The following TMEM116 variants were observed in gnomAD, a reference collection of about 807,000 sequenced individuals.
TMEM116 encodes transmembrane protein 116.
TMEM116 carries 38 observed loss-of-function variants against 44.3 expected under a neutral mutation model. That is an observed-to-expected ratio of 0.86 (90% CI 0.66 to 1.12). The LOEUF is 1.12. TMEM116 is among the 50% of genes most tolerant of loss of function. TMEM116 has a pLI of 0.00. For missense variants in TMEM116, 354 were observed against 401.7 expected, an observed-to-expected ratio of 0.88 and a Z score of 1.01; for synonymous variants, 132 against 144.8, an observed-to-expected ratio of 0.91 and a Z score of 0.64.
intron 1 of TMEM116, among the ~76,000 whole-genome samples, chr12:112,007,102 CA>C (rs1284178609): frequency 1.3e-5 from 2 of 152,062 alleles, no homozygotes; most frequent in Non-Finnish European, 2.9e-5. Flanking sequence ...GGCAGCATAG[CA>C]AAACACCATT....
At chr12:111,932,406 A>T (rs949984967) in intron 10 of TMEM116, among the ~76,000 whole-genome samples, 180 bp downstream of exon 10, 1 of 152,258 alleles carries the variant, frequency 6.6e-6, no homozygotes, top group Admixed American at 6.5e-5. Context: ...TTACAACATT[A>T]TCTACCTCGA....
At chr12:111,996,039 C>CA (rs60431093) in intron 3 of TMEM116, among the ~76,000 whole-genome samples, 2,226 of 53,028 alleles carry the variant, frequency 0.042, 81 homozygotes, top group African/African-American at 0.1. Context: ...GACCCTGTCT[C>CA]AAAAAAAAAA....
intron 4 of TMEM116, among the ~76,000 whole-genome samples, chr12:111,955,417 C>T (rs894003106): frequency 6.6e-6 from 1 of 152,158 alleles, no homozygotes; most frequent in African/African-American, 2.4e-5. Context: ...GTTCCTGATC[C>T]AAAAATTCTA....
At position 111,931,798 on chromosome 12, in the gene TMEM116, GAGT is replaced by G. The variant is rs771895695; in HGVS notation, c.834_836del (p.Leu279del). 1.3e-6 allele frequency: 2 copies of G among 1,558,066 alleles called. No homozygotes were observed. The highest frequency in any genetic ancestry group is 2.5e-5 in the South Asian group (2 of 80,366). ...GCGTCCAGCCATATACTCCACAGTT[GAGT>G]AGACCCTGAGATGTTGCCGTTAGAG... On this transcript the variant is annotated inframe_deletion, in exon 11 of 11. Transcript: ENST00000552374.
chr12:112,002,188 C>A (rs117909022), intron 3 of TMEM116, among the ~76,000 whole-genome samples: 1 of 152,138 alleles, frequency 6.6e-6, no homozygotes, highest in Non-Finnish European at 1.5e-5. Context: ...CTTGGCCAGG[C>A]ATGGTGGCTC....
Position 111,934,155 on chromosome 12 carries a change from T to G in TMEM116, c.589-125A>C, listed in dbSNP as rs184774797. The G allele has an allele frequency of 1.4e-3, 1,614 of 1,135,450 alleles. 4 individuals carry two copies. The highest frequency in any genetic ancestry group is 2.3e-3 in the South Asian group (131 of 56,530). The allele number at this position is 1,135,450 out of a possible 1,614,324, so 70.3% of individuals were successfully genotyped here. A position where few individuals can be genotyped will look rare whatever the true frequency, so the allele number is the denominator to read the frequency against. ...CACAACAGGAACGACCCCATTCTCT[T>G]GTCTTTACTTTCTGAGATCAGGCTT... On this transcript the variant is annotated intron_variant, in intron 8 of 10. Transcript: ENST00000552374.
chr12:112,001,566 C>T (rs891574658), intron 3 of TMEM116, among the ~76,000 whole-genome samples: 1 of 152,154 alleles, frequency 6.6e-6, no homozygotes, highest in Non-Finnish European at 1.5e-5. Context: ...GGCTGCCAAA[C>T]GTCCTAATGT....
intron 4 of TMEM116, among the ~76,000 whole-genome samples, chr12:111,964,062 T>C (rs2074806322): frequency 6.6e-6 from 1 of 151,488 alleles, no homozygotes; most frequent in Admixed American, 6.6e-5. Context: ...TCTTTTTAGT[T>C]TTTCTCATTT....
At chr12:111,993,606 A>G (rs774124894) in intron 3 of TMEM116, 59 of 546,578 alleles carry the variant, frequency 1.1e-4, no homozygotes, top group Middle Eastern at 6.4e-4. Flanking sequence ...TGTATAAGGA[A>G]GAAGGCCTAA....
At chr12:111,934,158 C>G in intron 8 of TMEM116, 128 bp from the exon 9 acceptor site, 1 of 1,120,044 alleles carries the variant, frequency 8.9e-7, no homozygotes, top group South Asian at 1.8e-5. Flanking sequence ...ATTCTCTTGT[C>G]TTTACTTTCT....
intron 3 of TMEM116, among the ~76,000 whole-genome samples, chr12:111,996,296 T>C (rs2076928750): frequency 6.6e-6 from 1 of 151,998 alleles, no homozygotes; most frequent in African/African-American, 2.4e-5. Context: ...ATAGAAGATA[T>C]TTGTAACACA....
intron 4 of TMEM116, among the ~76,000 whole-genome samples, chr12:111,951,958 G>A (rs186191921): frequency 2.7e-4 from 41 of 152,162 alleles, no homozygotes; most frequent in Non-Finnish European, 2.4e-4. Context: ...GGCCGGGTGC[G>A]GTGGCTCATG....
intron 4 of TMEM116, among the ~76,000 whole-genome samples, chr12:111,970,551 A>C (rs922332205): frequency 6.6e-6 from 1 of 151,964 alleles, no homozygotes; most frequent in African/African-American, 2.4e-5. Context: ...AGAAATATAA[A>C]GAAAATAGCA....
Position 111,972,464 on chromosome 12 carries a change from T to C in TMEM116, c.210+19294A>G, listed in dbSNP as rs970081514. Among the ~76,000 whole-genome samples, 2 of 152,222 alleles carry C rather than the reference T, an allele frequency of 1.3e-5. 1 individual carries two copies. The highest frequency in any genetic ancestry group is 4.1e-4 in the South Asian group (2 of 4,836). On this transcript the variant is annotated intron_variant, in intron 4 of 10. Coordinates refer to ENST00000552374, the MANE Select transcript of TMEM116 (RefSeq NM_001193531.2). ...GCAAAGATTTAGTAAACTTAAACAATACTATCAACCAACTTGACAGAATTG... is the reference window on the plus strand; with the variant it reads ...GCAAAGATTTAGTAAACTTAAACAACACTATCAACCAACTTGACAGAATTG...
intron 3 of TMEM116, chr12:112,000,836 A>C (rs2077212845): frequency 4.0e-6 from 2 of 496,402 alleles, no homozygotes; most frequent in African/African-American, 3.9e-5. Flanking sequence ...TCATTAGCTG[A>C]GATTTAATTC....
chr12:111,936,879 G>C, intron 7 of TMEM116, 49 bp from the exon 8 acceptor site: 1 of 1,527,350 alleles, frequency 6.5e-7, no homozygotes, highest in South Asian at 1.3e-5. Flanking sequence ...TGTAAGAAAA[G>C]AGCTGCTCAA....
chr12:112,007,629 C>T (rs1354506428), intron 1 of TMEM116, among the ~76,000 whole-genome samples: 1 of 152,184 alleles, frequency 6.6e-6, no homozygotes, highest in African/African-American at 2.4e-5. Flanking sequence ...GGCCTCTACT[C>T]ATACATCTTA....
chr12:111,952,422 A>G (rs1330936997), intron 4 of TMEM116, among the ~76,000 whole-genome samples: 1 of 152,216 alleles, frequency 6.6e-6, no homozygotes, highest in East Asian at 1.9e-4. Flanking sequence ...GGAAAAGCTG[A>G]GACCCATATA....
At chr12:112,003,567 CAAAA>C (rs374296039) in intron 3 of TMEM116, 127 of 277,080 alleles carry the variant, frequency 4.6e-4, no homozygotes, top group South Asian at 8.0e-4. Flanking sequence ...GACTCCGTCT[CAAAA>C]AAAAAAAAAA....
Sources: gnomAD v4.1 joint callset for allele counts (sites outside exome capture counted in the v4.1 genomes callset) on GRCh38, gnomAD v4.1.1 for gene constraint, MANE v1.5 for transcripts, NCBI Gene and HGNC (gene_info 2026-07-23, HGNC 2026-07-21) for gene names.